The following BRD3 variants were observed in gnomAD, a reference collection of about 807,000 sequenced individuals.
BRD3 encodes the protein bromodomain containing 3.
In BRD3, 17 loss-of-function variants were observed where a neutral mutation model predicts 66.8. That is an observed-to-expected ratio of 0.25 (90% CI 0.17 to 0.38). The LOEUF (loss-of-function observed/expected upper bound fraction) is 0.38. Among genes scored for constraint, BRD3 ranks in the 10% least tolerant of loss-of-function variants. BRD3 has a pLI of 1.00. For missense variants in BRD3, 713 were observed against 956.1 expected (o/e 0.75, Z 3.35); for synonymous variants, 421 against 393.2 (o/e 1.07, Z -0.84).
chr9:134,051,513 G>A, intron 4 of BRD3, 49 bp downstream of exon 4: 1 of 1,468,448 alleles, frequency 6.8e-7, no homozygotes, highest in South Asian at 1.5e-5. Context: ...ATCCACCCGT[G>A]GGCCTCTGCA....
intron 1 of BRD3, chr9:134,053,893 G>C (rs1192754369): frequency 2.4e-5 from 5 of 212,010 alleles, no homozygotes; most frequent in Middle Eastern, 1.7e-3. Flanking sequence ...AACACACTGG[G>C]AGGCAGGTGT....
intron 1 of BRD3, chr9:134,058,927 A>G (rs1217710234): frequency 6.6e-6 from 1 of 152,280 alleles, no homozygotes; most frequent in Non-Finnish European, 1.5e-5. Flanking sequence ...CTGGATCTGA[A>G]GCAAAGCTGG....
At chr9:134,037,649 A>T (rs552312941) in intron 9 of BRD3, among the ~76,000 whole-genome samples, 9 of 152,358 alleles carry the variant, frequency 5.9e-5, no homozygotes, top group East Asian at 3.9e-4. Flanking sequence ...AGTAAAAAGA[A>T]GCCAAGTCTA....
Position 134,051,698 on chromosome 9 carries a change from G to A in BRD3, c.363C>T (p.Asp121=), listed in dbSNP as rs1830299928. Residue 121 remains aspartate, a synonymous_variant, in exon 4 of 12, where the codon GAC becomes GAT. Coordinates refer to ENST00000303407, the MANE Select transcript of BRD3 (RefSeq NM_007371.4). ...CTAAAGCTTGGGCCATTAGCACTAT[G>A]TCATCTGTGGGCTGAAGACACAGAG... ...NCYIYNKPTD[D]IVLMAQALEK... is the part of the protein sequence containing the mutation. 2 of 1,590,142 alleles carry A rather than the reference G, an allele frequency of 1.3e-6. No homozygotes were observed. Among genetic ancestry groups the A allele is most frequent in the South Asian group, 1.2e-5 (1 of 86,454 alleles).
intron 6 of BRD3, 89 bp downstream of exon 6, chr9:134,047,994 C>T: frequency 1.4e-6 from 2 of 1,429,466 alleles, no homozygotes; most frequent in South Asian, 1.5e-5. Context: ...TGCTCCCCGA[C>T]AGCCCCCACT....
intron 9 of BRD3, chr9:134,036,726 G>C: frequency 1.2e-6 from 1 of 864,536 alleles, no homozygotes; most frequent in Non-Finnish European, 1.9e-6. Flanking sequence ...AAACGGTCTA[G>C]GGCCGGGCGC....
chr9:134,052,952 C>CA (rs1265587131), intron 2 of BRD3, among the ~76,000 whole-genome samples: 3 of 152,244 alleles, frequency 2.0e-5, no homozygotes, highest in Non-Finnish European at 4.4e-5. Context: ...GGCCATCCTG[C>CA]AGGAGCCAGT....
chr9:134,064,460 G>T (rs906943687), intron 1 of BRD3, among the ~76,000 whole-genome samples: 1 of 152,122 alleles, frequency 6.6e-6, no homozygotes, highest in Non-Finnish European at 1.5e-5. Context: ...AGAATTGCTT[G>T]AACCCAGGAG....
chr9:134,047,443 G>A (rs1264851779), intron 6 of BRD3, among the ~76,000 whole-genome samples: 1 of 152,190 alleles, frequency 6.6e-6, no homozygotes, highest in Non-Finnish European at 1.5e-5. Flanking sequence ...CTGGCTTGGG[G>A]CGGTGCAGCT....
At chr9:134,037,499 A>G (rs1829950768) in intron 9 of BRD3, among the ~76,000 whole-genome samples, 1 of 152,206 alleles carries the variant, frequency 6.6e-6, no homozygotes, top group African/African-American at 2.4e-5. Flanking sequence ...TGAACCCTGG[A>G]GGCGGAGGTT....
intron 2 of BRD3, 56 bp downstream of exon 2, chr9:134,053,209 G>A (rs1830339949): frequency 1.9e-6 from 3 of 1,580,130 alleles, no homozygotes; most frequent in East Asian, 2.2e-5. Context: ...CAGCAGGAGG[G>A]GGACAGAGGA....
rs2132408694 is a variant in BRD3, at chr9:134,045,452, C to T, written c.1087-31G>A. 6.2e-7 allele frequency: 1 copy of T among 1,612,138 alleles called. No homozygotes were observed. The highest frequency in any genetic ancestry group is 2.2e-5 in the East Asian group (1 of 44,848). On this transcript the variant is annotated intron_variant, in intron 6 of 11. Coordinates refer to ENST00000303407, the MANE Select transcript of BRD3 (RefSeq NM_007371.4). This position sits in a 1 kb window ranked among gnomAD's most constrained non-coding sequence, Gnocchi z 4.8. ...ACACACAGTGACAGGGGCCAGTGAG[C>T]GTGGCCCGTGGCATCAGGACTCTCT...
intron 1 of BRD3, among the ~76,000 whole-genome samples, chr9:134,059,479 A>C (rs1211559131): frequency 1.3e-5 from 2 of 152,210 alleles, no homozygotes; most frequent in Non-Finnish European, 2.9e-5. Flanking sequence ...CCAGTGCCTT[A>C]AAGTCTAGAC....
rs572436064 is a variant in BRD3, at chr9:134,049,276, G to A, written c.715-822C>T. Among the ~76,000 whole-genome samples, 22 of 152,310 alleles carry A rather than the reference G, an allele frequency of 1.4e-4. No individual in the cohort carries two copies. The East Asian group carries it at 4.1e-3, about 28-fold the overall frequency. ...CAGCACCCATGGGCATCACCTCAGC[G>A]TTCCAGGGCCAGGGCTCAGTGTGCA... On this transcript the variant is annotated intron_variant, in intron 5 of 11. Transcript: ENST00000303407.
chr9:134,050,675 G>C (rs1329058264), intron 4 of BRD3, 87 bp from the exon 5 acceptor site: 1 of 1,124,302 alleles, frequency 8.9e-7, no homozygotes, highest in East Asian at 2.5e-5. Flanking sequence ...GCCAGAACAC[G>C]GGTACCAGCT....
rs201715107 is a variant in BRD3, at chr9:134,033,646, C to T, written c.2125G>A (p.Glu709Lys). 2.6e-6 allele frequency: 2 copies of T among 770,844 alleles called. No individual in the cohort carries two copies. The highest frequency in any genetic ancestry group is 3.4e-5 in the Admixed American group (2 of 58,252). The allele number at this position is 770,844 out of a possible 1,614,324, so 47.8% of individuals were successfully genotyped here. The change falls in exon 12 of 12, where the codon GAG (glutamate) becomes AAG (lysine). Residue 709 changes from glutamate (E) to lysine (K), a missense_variant. By Grantham distance (56) the Glu-to-Lys change is moderately conservative. This residue lies in a region of BRD3 where 42 missense variants were observed against 29.2 expected (regional missense o/e 1.44). Coordinates refer to ENST00000303407, the MANE Select transcript of BRD3 (RefSeq NM_007371.4). The surrounding 1 kb of genome is among the most constrained non-coding windows in gnomAD (Gnocchi z 5.1). The stretch of plus-strand genomic sequence containing the variant: ...CCGCTGGAGCTGCTGCTCCCAGACT[C>T]GGAGGAGCTGCTGCTGCTGAGCCTG... ...PSRLSSSSSS[E>K]SGSSSSSGSS...
intron 2 of BRD3, among the ~76,000 whole-genome samples, chr9:134,053,063 T>C (rs576822568): frequency 6.6e-6 from 1 of 152,308 alleles, no homozygotes; most frequent in Admixed American, 6.5e-5. Flanking sequence ...TTCCTGCACC[T>C]GGGGCAGCCG....
In BRD3 at chr9:134,033,252, T is replaced by G. The variant is rs956804555; in HGVS notation, c.*338A>C. 2.9e-5 allele frequency: 12 copies of G among 409,802 alleles called. No individual in the cohort carries two copies. Among genetic ancestry groups the G allele is most frequent in the Non-Finnish European group, 4.7e-5 (11 of 232,904 alleles). The allele number at this position is 409,802 out of a possible 1,614,324, so 25.4% of individuals were successfully genotyped here. A position where few individuals can be genotyped will look rare whatever the true frequency, so the allele number is the denominator to read the frequency against. ...ATTCTTTCTCGAGCTATCGACCAGGTTGGGCCTAAGCAAAGGGATTCCACA... is the reference window on the plus strand; with the variant it reads ...ATTCTTTCTCGAGCTATCGACCAGGGTGGGCCTAAGCAAAGGGATTCCACA... On this transcript the variant is annotated 3_prime_UTR_variant, in exon 12 of 12. Coordinates refer to ENST00000303407, the MANE Select transcript of BRD3 (RefSeq NM_007371.4). This position sits in a 1 kb window ranked among gnomAD's most constrained non-coding sequence, Gnocchi z 5.1.
chr9:134,049,296 T>C (rs898100367), intron 5 of BRD3, among the ~76,000 whole-genome samples: 2 of 152,104 alleles, frequency 1.3e-5, no homozygotes, highest in African/African-American at 4.8e-5. Context: ...CAGGGCTCAG[T>C]GTGCACCCTG....
Sources: gnomAD v4.1 joint callset for allele counts (sites outside exome capture counted in the v4.1 genomes callset) on GRCh38, gnomAD v4.1.1 for gene constraint, gnomAD v4.1.1 regional missense constraint, Gnocchi (gnomAD v3.1) non-coding constraint, MANE v1.5 for transcripts, NCBI Gene and HGNC (gene_info 2026-07-23, HGNC 2026-07-21) for gene names.